TMEM192: variants seen among roughly 807,000 people sequenced by gnomAD.
TMEM192 encodes transmembrane protein 192.
In TMEM192, 20 loss-of-function variants were observed where a neutral mutation model predicts 26.7. The ratio of observed to expected loss-of-function variants is 0.75; its 90% CI spans 0.53 to 1.09. The LOEUF is 1.09. TMEM192 is among the 50% of genes least tolerant of loss of function. TMEM192 has a pLI of 0.00. For synonymous variants in TMEM192, 124 were observed against 121.0 expected, an observed-to-expected ratio of 1.02 and a Z score of -0.16; for missense variants, 304 against 322.6, an observed-to-expected ratio of 0.94 and a Z score of 0.44.
rs941226345 is a variant in TMEM192 at position 165,094,811 on chromosome 4, C to T, written c.439+5817G>A. Among the ~76,000 whole-genome samples, 19 of 152,008 alleles carry T rather than the reference C, an allele frequency of 1.2e-4. 1 individual carries two copies. The highest frequency in any genetic ancestry group is 2.0e-4 in the Admixed American group (3 of 15,240). On this transcript the variant is annotated intron_variant, in intron 3 of 5. Transcript: ENST00000306480. Reference sequence around the variant, plus strand: ...CCAACACGGTGAAACCCTGTCTCTACTAAAAATACAAAATTAGCTGGGCAT... The same window carrying T: ...CCAACACGGTGAAACCCTGTCTCTATTAAAAATACAAAATTAGCTGGGCAT...
In TMEM192 at chr4:165,088,393, T is replaced by C. The variant is rs1028092793; in HGVS notation, c.574+75A>G. ...ACACAGAGAACTTCCTTGTCGCTAA[T>C]GGGCTATACTTTAAACTGGGAGGAA... On this transcript the variant is annotated intron_variant, in intron 4 of 5. Coordinates refer to ENST00000306480, the MANE Select transcript of TMEM192 (RefSeq NM_001100389.2). 10 of 1,449,032 alleles carry C rather than the reference T, an allele frequency of 6.9e-6. No homozygotes were observed. In the South Asian group the frequency reaches 8.3e-5, roughly 12 times the overall value. 89.8% of individuals were successfully genotyped at this position (1,449,032 alleles called of 1,614,324 possible).
At chr4:165,103,789 T>TG (rs1410417568) in intron 1 of TMEM192, among the ~76,000 whole-genome samples, 1 of 152,222 alleles carries the variant, frequency 6.6e-6, no homozygotes, top group Non-Finnish European at 1.5e-5. Context: ...CCCAAAGTGC[T>TG]GGGATTACAG....
In TMEM192 at chr4:165,112,727, C is replaced by G. The variant is rs773400336; in HGVS notation, c.27+20G>C. The stretch of plus-strand genomic sequence containing the variant: ...AAAGCGGATTCCGGGGCCAACCGCC[C>G]GCCGCCTCCGTGCACTCACGTCCTC... On this transcript the variant is annotated intron_variant, in intron 1 of 5. Coordinates refer to ENST00000306480, the MANE Select transcript of TMEM192 (RefSeq NM_001100389.2). 1.2e-6 allele frequency: 2 copies of G among 1,609,026 alleles called. No individual in the cohort carries two copies. Among genetic ancestry groups the G allele is most frequent in the East Asian group, 2.2e-5 (1 of 44,748 alleles).
At chr4:165,084,625 T>C (rs1734566686) in intron 5 of TMEM192, among the ~76,000 whole-genome samples, 1 of 151,566 alleles carries the variant, frequency 6.6e-6, no homozygotes. Context: ...ACCACAGACA[T>C]GGCCAGGAGT....
At chr4:165,110,300 C>T (rs1038966877) in intron 1 of TMEM192, among the ~76,000 whole-genome samples, 12 of 152,244 alleles carry the variant, frequency 7.9e-5, no homozygotes, top group African/African-American at 2.7e-4. Flanking sequence ...TGAGGACCCA[C>T]TGTCTACTTC....
At chr4:165,101,723 G>A (rs980627634) in intron 2 of TMEM192, among the ~76,000 whole-genome samples, 14 of 152,110 alleles carry the variant, frequency 9.2e-5, no homozygotes, top group African/African-American at 3.1e-4. Context: ...AGCCATGGTG[G>A]AGCCATACCA....
intron 2 of TMEM192, 77 bp from the exon 3 acceptor site, chr4:165,100,969 TTC>T: frequency 1.3e-5 from 16 of 1,189,746 alleles, no homozygotes; most frequent in Admixed American, 3.1e-5. Context: ...CCAGCATACA[TTC>T]TTTTTTTTTT....
intron 1 of TMEM192, among the ~76,000 whole-genome samples, chr4:165,108,322 C>T (rs2110801213): frequency 6.6e-6 from 1 of 151,978 alleles, no homozygotes. Context: ...AGGGTTCCAC[C>T]ATGTTAACCA....
chr4:165,111,357 G>A (rs1735289262), intron 1 of TMEM192, among the ~76,000 whole-genome samples: 1 of 152,184 alleles, frequency 6.6e-6, no homozygotes, highest in Admixed American at 6.5e-5. Flanking sequence ...GCCTCCCAAA[G>A]TGCTGGGATT....
rs761289055 is a variant in TMEM192 at position 165,103,047 on chromosome 4, G to C, written c.77C>G (p.Ala26Gly). Residue 26 changes from alanine to glycine, a missense_variant, in exon 2 of 6, where the codon GCC becomes GGC. Ala to Gly is a moderately conservative substitution (Grantham distance 60). Coordinates refer to ENST00000306480, the MANE Select transcript of TMEM192 (RefSeq NM_001100389.2). The stretch of plus-strand genomic sequence containing the variant: ...TAATGAGTGGTGTGGGAGAAGCTGG[G>C]CATCCAGAAGTGGGTCGTCTTCAAT... ...QSIEDDPLLD[A>G]QLLPHHSLQA... 6.2e-7 allele frequency: 1 copy of C among 1,613,252 alleles called. No homozygotes were observed. The highest frequency in any genetic ancestry group is 1.3e-5 in the African/African-American group (1 of 74,890).
chr4:165,096,888 T>G (rs1314772408), intron 3 of TMEM192, among the ~76,000 whole-genome samples: 6 of 152,160 alleles, frequency 3.9e-5, no homozygotes, highest in Non-Finnish European at 8.8e-5. Context: ...TTCCAGACCA[T>G]CACTTGAGAA....
intron 2 of TMEM192, among the ~76,000 whole-genome samples, chr4:165,101,435 C>T (rs759591476): frequency 3.8e-4 from 58 of 152,116 alleles, no homozygotes; most frequent in Non-Finnish European, 6.9e-4. Flanking sequence ...GGTGCCATCT[C>T]TGCTCACTGC....
At chr4:165,100,536 ATATTTGATTC>A in intron 3 of TMEM192, 82 bp downstream of exon 3, 1 of 1,394,638 alleles carries the variant, frequency 7.2e-7, no homozygotes, top group Non-Finnish European at 9.7e-7. Flanking sequence ...ATGAGAGAAT[ATATTTGATTC>A]TAAAATCAAA....
intron 1 of TMEM192, among the ~76,000 whole-genome samples, chr4:165,108,907 C>T (rs1244883378): frequency 6.6e-6 from 1 of 151,580 alleles, no homozygotes; most frequent in African/African-American, 2.4e-5. Flanking sequence ...CTTCCCCCTT[C>T]CCTGTCACAG....
At chr4:165,094,974 CA>C (rs11289599) in intron 3 of TMEM192, among the ~76,000 whole-genome samples, 66,340 of 137,362 alleles carry the variant, frequency 0.48, 15,803 homozygotes, top group East Asian at 0.68. Flanking sequence ...AACTCAGTCT[CA>C]AAAAAAAAAA....
At chr4:165,100,565 ATTCT>A in intron 3 of TMEM192, 59 bp downstream of exon 3, 7 of 1,532,120 alleles carry the variant, frequency 4.6e-6, no homozygotes, top group Non-Finnish European at 6.2e-6. Context: ...AACTTCATAT[ATTCT>A]TTCTGCTGTC....
intron 3 of TMEM192, among the ~76,000 whole-genome samples, chr4:165,098,949 G>A (rs182300153): frequency 0.012 from 1,878 of 151,332 alleles, 18 homozygotes; most frequent in South Asian, 0.027. Flanking sequence ...TGATCCTTCC[G>A]CTTCGGCCTC....
chr4:165,099,245 C>T (rs1332419167), intron 3 of TMEM192, among the ~76,000 whole-genome samples: 1 of 150,804 alleles, frequency 6.6e-6, no homozygotes, highest in Non-Finnish European at 1.5e-5. Flanking sequence ...CACCACCACA[C>T]TTGGCTAATT....
In TMEM192 at chr4:165,084,348, G is replaced by A. The variant is rs549393909; in HGVS notation, c.677+1238C>T. ...CAAGTAGCTGGGATTACAGGTATGC[G>A]CCACTGTGCCTGGCTAGTTTTTGTA... is the stretch of plus-strand genomic sequence containing the variant. On this transcript the variant is annotated intron_variant, in intron 5 of 5. Transcript: ENST00000306480. Among the ~76,000 whole-genome samples, 116 of 151,302 alleles carry A rather than the reference G, an allele frequency of 7.7e-4. 1 individual carries two copies. Among genetic ancestry groups the A allele is most frequent in the South Asian group, 2.9e-3 (14 of 4,780 alleles).
Sources: gnomAD v4.1 joint callset for allele counts (sites outside exome capture counted in the v4.1 genomes callset) on GRCh38, gnomAD v4.1.1 for gene constraint, MANE v1.5 for transcripts, NCBI Gene and HGNC (gene_info 2026-07-23, HGNC 2026-07-21) for gene names.